The following MKNK1 variants were observed in gnomAD, a reference collection of about 807,000 sequenced individuals.
MKNK1 encodes MAP kinase-interacting serine/threonine-protein kinase 1.
Under a neutral mutation model 49.3 loss-of-function variants are expected in MKNK1, and 30 were observed. That is an observed-to-expected ratio of 0.61 (90% CI 0.46 to 0.83). The LOEUF (loss-of-function observed/expected upper bound fraction) is 0.83. MKNK1 is among the 40% of genes least tolerant of loss of function. The pLI, the probability that MKNK1 is intolerant of heterozygous loss-of-function variation, is 0.00. For missense variants in MKNK1, 423 were observed against 524.7 expected, an observed-to-expected ratio of 0.81 and a Z score of 1.89; for synonymous variants, 176 against 201.7, an observed-to-expected ratio of 0.87 and a Z score of 1.08.
Position 46,562,833 on chromosome 1 carries a change from G to A in MKNK1, c.620C>T (p.Ala207Val), listed in dbSNP as rs775593004. Residue 207 changes from alanine (A) to valine (V), a missense_variant, in exon 10 of 13, where the codon GCA (alanine) becomes GTA (valine). Physicochemically the swap from Ala to Val is moderately conservative, Grantham distance 64. Coordinates refer to ENST00000371945, the MANE Select transcript of MKNK1 (RefSeq NM_001135553.4). ...TPELTTPCGSAEYMAPEVVEV... is the reference protein window; with the variant it reads ...TPELTTPCGSVEYMAPEVVEV... Reference sequence around the variant, plus strand: ...CACTACCTCAGGGGCCATGTATTCTGCAGAGCCACACTGTGGGGGCCAGGG... The same window carrying A: ...CACTACCTCAGGGGCCATGTATTCTACAGAGCCACACTGTGGGGGCCAGGG... 2.5e-6 allele frequency: 4 copies of A among 1,610,384 alleles called. No homozygotes were observed. The highest frequency in any genetic ancestry group is 1.7e-5 in the Admixed American group (1 of 59,280).
rs139071553 is a variant in MKNK1, at chr1:46,568,280, G to A, written c.513+163C>T. 4.6e-6 allele frequency: 3 copies of A among 650,796 alleles called. No individual in the cohort carries two copies. In the African/African-American group the frequency reaches 5.5e-5, roughly 12 times the overall value. The allele number at this position is 650,796 out of a possible 1,614,324, so 40.3% of individuals were successfully genotyped here. On this transcript the variant is annotated intron_variant, in intron 8 of 12. Coordinates refer to ENST00000371945, the MANE Select transcript of MKNK1 (RefSeq NM_001135553.4). ...TCAAGAGCGAAGAAAGGACGAGGAT[G>A]GGCAGAAACATCACACAGTAAGTGT...
intron 12 of MKNK1, chr1:46,559,525 G>A (rs184352936): frequency 5.9e-5 from 9 of 153,700 alleles, no homozygotes; most frequent in Admixed American, 2.6e-4. Flanking sequence ...GTGGCCTTAA[G>A]CAAGTTAACT....
At chr1:46,562,292 G>A (rs1570015304) in intron 10 of MKNK1, among the ~76,000 whole-genome samples, 1 of 150,016 alleles carries the variant, frequency 6.7e-6, no homozygotes, top group Non-Finnish European at 1.5e-5. Context: ...CTACTTGGGA[G>A]GCCTAAGGCA....
rs995799625 is a variant in MKNK1 at position 46,575,171 on chromosome 1, G to A, written c.279-151C>T. 6 of 585,314 alleles carry A rather than the reference G, an allele frequency of 1.0e-5. No individual in the cohort carries two copies. In the South Asian group the frequency reaches 1.1e-4, roughly 11 times the overall value. 36.3% of individuals were successfully genotyped at this position (585,314 alleles called of 1,614,324 possible). ...ATCAGAATGCTTATTAAAGACCCGC[G>A]TATGGAAGCAGCCAATGGTGTTAGC... On this transcript the variant is annotated intron_variant, in intron 5 of 12. Transcript: ENST00000371945.
intron 2 of MKNK1, among the ~76,000 whole-genome samples, chr1:46,587,248 G>A (rs12738584): frequency 4.6e-5 from 7 of 152,202 alleles, no homozygotes; most frequent in Admixed American, 6.5e-5. Flanking sequence ...CAGCACTTCC[G>A]CTGCCTCCAG....
rs943668664 is a variant in MKNK1 at position 46,602,140 on chromosome 1, G to A, written c.-171+2045C>T. Among the ~76,000 whole-genome samples the A allele has an allele frequency of 2.6e-5, 4 of 152,272 alleles. No individual in the cohort carries two copies. In the East Asian group the frequency reaches 5.8e-4, roughly 22 times the overall value. On this transcript the variant is annotated intron_variant, in intron 1 of 12. Coordinates refer to ENST00000371945, the MANE Select transcript of MKNK1 (RefSeq NM_001135553.4). ...GAGAAACAGAGATTTGGCCGGGCAC[G>A]TTGGCTCACATCTGTAGTACCAGCA...
chr1:46,564,838 T>A (rs561635457), intron 9 of MKNK1, among the ~76,000 whole-genome samples: 2 of 152,220 alleles, frequency 1.3e-5, no homozygotes, highest in East Asian at 3.9e-4. Context: ...CAACTAACAG[T>A]CCAAGTGTCA....
chr1:46,563,088 C>G (rs1399662220), intron 9 of MKNK1: 3 of 448,070 alleles, frequency 6.7e-6, no homozygotes, highest in Non-Finnish European at 1.2e-5. Flanking sequence ...AGTTCCTCCT[C>G]CAGTAGGCAA....
intron 2 of MKNK1, among the ~76,000 whole-genome samples, chr1:46,587,771 C>T (rs966820932): frequency 2.0e-5 from 3 of 151,950 alleles, no homozygotes; most frequent in East Asian, 1.9e-4. Flanking sequence ...GAACTGAGAT[C>T]GCACCATTGC....
chr1:46,596,017 G>T (rs183370917), intron 1 of MKNK1, among the ~76,000 whole-genome samples: 16 of 152,290 alleles, frequency 1.1e-4, no homozygotes, highest in Admixed American at 4.6e-4. Flanking sequence ...CAAAGTGCTG[G>T]GATTATGGGC....
chr1:46,559,458 G>C (rs1427703271), intron 12 of MKNK1, among the ~76,000 whole-genome samples: 1 of 152,190 alleles, frequency 6.6e-6, no homozygotes, highest in Admixed American at 6.5e-5. Context: ...GGCTCTTTGG[G>C]AACAGGGCAG....
intron 1 of MKNK1, among the ~76,000 whole-genome samples, chr1:46,602,854 T>C (rs1258018): frequency 1 from 151,916 of 152,306 alleles, 75,766 homozygotes; most frequent in East Asian, 1. Context: ...CAAAAGGAAC[T>C]AAGTAATTCA....
At chr1:46,571,784 C>G (rs1670196421) in intron 7 of MKNK1, among the ~76,000 whole-genome samples, 1 of 152,056 alleles carries the variant, frequency 6.6e-6, no homozygotes, top group Admixed American at 6.6e-5. Context: ...TCACACATAC[C>G]CTGTTCAATG....
chr1:46,565,481 C>G, intron 8 of MKNK1: 1 of 309,584 alleles, frequency 3.2e-6, no homozygotes, highest in South Asian at 3.2e-5. Flanking sequence ...TCCTGAGAGA[C>G]AGACTTCTTG....
chr1:46,571,580 AT>A, intron 7 of MKNK1: 1 of 422,704 alleles, frequency 2.4e-6, no homozygotes, highest in South Asian at 1.7e-5. Flanking sequence ...TAGATTTTTC[AT>A]TTACTGTGAA....
At chr1:46,581,395 A>G (rs1420321270) in intron 3 of MKNK1, among the ~76,000 whole-genome samples, 1 of 151,318 alleles carries the variant, frequency 6.6e-6, no homozygotes, top group East Asian at 2.0e-4. Flanking sequence ...CTAAAGTCCC[A>G]GCTATTTCGG....
intron 5 of MKNK1, 96 bp downstream of exon 5, chr1:46,576,479 A>T: frequency 1.0e-6 from 1 of 998,244 alleles, no homozygotes; most frequent in Non-Finnish European, 1.6e-6. Context: ...CAGGAGTGAG[A>T]GCTAAATGCT....
chr1:46,576,570 C>A lies in MKNK1; in HGVS notation c.278+5G>T. ...GAGAAGCAGCGAGAATCACATGATACTCACTTGTTTCCCTGACACTGATAC... is the reference window on the plus strand; with the variant it reads ...GAGAAGCAGCGAGAATCACATGATAATCACTTGTTTCCCTGACACTGATAC... On this transcript the variant is annotated splice_donor_5th_base_variant and intron_variant, in intron 5 of 12. Transcript: ENST00000371945. The A allele has an allele frequency of 6.2e-7, 1 of 1,612,214 alleles. No individual in the cohort carries two copies. Among genetic ancestry groups the A allele is most frequent in the Non-Finnish European group, 8.5e-7 (1 of 1,178,286 alleles).
At chr1:46,560,169 C>A in intron 12 of MKNK1, 65 bp downstream of exon 12, 1 of 1,538,718 alleles carries the variant, frequency 6.5e-7, no homozygotes, top group Non-Finnish European at 8.8e-7. Context: ...CTCCCCCGGC[C>A]CCCACCCCCA....
Sources: gnomAD v4.1 joint callset for allele counts (sites outside exome capture counted in the v4.1 genomes callset) on GRCh38, gnomAD v4.1.1 for gene constraint, MANE v1.5 for transcripts, NCBI Gene and HGNC (gene_info 2026-07-23, HGNC 2026-07-21) for gene names.